Variants in PTPRG observed in about 807,000 individuals in gnomAD.
PTPRG encodes the protein receptor-type tyrosine-protein phosphatase gamma.
Under a neutral mutation model 165.3 loss-of-function variants are expected in PTPRG, and 102 were observed. The ratio of observed to expected loss-of-function variants is 0.62; its 90% confidence interval spans 0.53 to 0.73. The LOEUF is 0.73. PTPRG is among the 30% of genes least tolerant of loss of function. PTPRG has a pLI of 0.00. For missense variants in PTPRG, 1,866 were observed against 1,861.4 expected, an observed-to-expected ratio of 1.00 and a Z score of -0.05; for synonymous variants, 675 against 669.5, an observed-to-expected ratio of 1.01 and a Z score of -0.13.
chr3:61,812,355 CCTT>C (rs1175214114), intron 2 of PTPRG, among the ~76,000 whole-genome samples: 2 of 152,086 alleles, frequency 1.3e-5, no homozygotes, highest in African/African-American at 2.4e-5. Flanking sequence ...TTATTTTCCA[CCTT>C]CTTTTCAGGA....
chr3:61,619,676 G>A (rs1701395992), intron 1 of PTPRG, among the ~76,000 whole-genome samples: 1 of 152,216 alleles, frequency 6.6e-6, no homozygotes, highest in Non-Finnish European at 1.5e-5. Flanking sequence ...ACTGGTGGGT[G>A]TATGAAACAT....
intron 5 of PTPRG, among the ~76,000 whole-genome samples, chr3:62,091,070 G>T (rs1701910997): frequency 6.6e-6 from 1 of 152,222 alleles, no homozygotes. Flanking sequence ...CAATGTTGAT[G>T]ATGATAATTA....
At position 62,043,510 on chromosome 3, in the gene PTPRG, A is replaced by C. The variant is rs532412187; in HGVS notation, c.520-34653A>C. On this transcript the variant is annotated intron_variant, in intron 4 of 29. Coordinates refer to ENST00000474889, the MANE Select transcript of PTPRG (RefSeq NM_002841.4). Reference sequence around the variant, plus strand: ...TTAGAGCCCTTCTCATAAGAGAATAAACAAAGATAATAAGAAGGCAATATT... The same window carrying C: ...TTAGAGCCCTTCTCATAAGAGAATACACAAAGATAATAAGAAGGCAATATT... Among the ~76,000 whole-genome samples the C allele has an allele frequency of 1.7e-3, 254 of 152,352 alleles. 1 individual carries two copies. The highest frequency in any genetic ancestry group is 2.1e-3 in the Non-Finnish European group (146 of 68,028).
In PTPRG at chr3:61,824,100, C is replaced by T. The variant is rs377417101; in HGVS notation, c.190+75118C>T. Among the ~76,000 whole-genome samples, 20 of 152,116 alleles carry T rather than the reference C, an allele frequency of 1.3e-4. No individual in the cohort carries two copies. The East Asian group carries it at 3.5e-3, about 26-fold the overall frequency. ...GATCGCTCCACTGCACTCCATTCAG[C>T]CTGGGCGACAGAGCGAGACTCCGTC... On this transcript the variant is annotated intron_variant, in intron 2 of 29. Coordinates refer to ENST00000474889, the MANE Select transcript of PTPRG (RefSeq NM_002841.4).
intron 2 of PTPRG, among the ~76,000 whole-genome samples, chr3:61,978,480 A>G (rs2040559670): frequency 7.0e-6 from 1 of 143,056 alleles, no homozygotes; most frequent in African/African-American, 2.7e-5. Flanking sequence ...GGACCATTGC[A>G]TAGTATTATG....
chr3:61,963,418 A>T (rs1418298492), intron 2 of PTPRG, among the ~76,000 whole-genome samples: 2 of 152,196 alleles, frequency 1.3e-5, no homozygotes, highest in East Asian at 3.9e-4. Context: ...TCAGAAAAAG[A>T]TGCCATATAT....
intron 14 of PTPRG, among the ~76,000 whole-genome samples, chr3:62,232,800 C>A (rs1051886046): frequency 6.6e-6 from 1 of 152,192 alleles, no homozygotes; most frequent in Non-Finnish European, 1.5e-5. Context: ...AGTTGGGAAC[C>A]ATCTTGTGAA....
At chr3:62,115,361 C>G (rs1046634107) in intron 5 of PTPRG, among the ~76,000 whole-genome samples, 1 of 152,102 alleles carries the variant, frequency 6.6e-6, no homozygotes, top group African/African-American at 2.4e-5. Flanking sequence ...ATCTTTGGTG[C>G]AGACTCTCAA....
intron 2 of PTPRG, among the ~76,000 whole-genome samples, chr3:61,892,226 A>AT (rs1261868212): frequency 5.3e-5 from 8 of 151,926 alleles, no homozygotes; most frequent in African/African-American, 1.2e-4. Context: ...ATACCACGTG[A>AT]TTTTTTGTTT....
Position 62,245,718 on chromosome 3 carries a change from C to T in PTPRG, c.2467+1820C>T, listed in dbSNP as rs779996426. On this transcript the variant is annotated intron_variant, in intron 15 of 29. Coordinates refer to ENST00000474889, the MANE Select transcript of PTPRG (RefSeq NM_002841.4). This position sits in a 1 kb window ranked among gnomAD's most constrained non-coding sequence, Gnocchi z 4.2. ...TTGTAAAAGCACTTTGGAAACCATA[C>T]ATTAAGCGAAACGTGTAAGCTGTTG... Among the ~76,000 whole-genome samples, 1 of 152,102 alleles carries T rather than the reference C, an allele frequency of 6.6e-6. No homozygotes were observed. The highest frequency in any genetic ancestry group is 1.5e-5 in the Non-Finnish European group (1 of 68,010).
intron 1 of PTPRG, chr3:61,742,811 C>T: frequency 6.2e-7 from 1 of 1,606,338 alleles, no homozygotes; most frequent in Non-Finnish European, 8.5e-7. Context: ...AGCTTCTTGA[C>T]CAGTTTTTTA....
chr3:62,160,429 G>C (rs1416238353), intron 7 of PTPRG, among the ~76,000 whole-genome samples: 1 of 152,210 alleles, frequency 6.6e-6, no homozygotes, highest in Admixed American at 6.5e-5. Context: ...CACTTAGTCA[G>C]CATGGCTTAT....
chr3:61,885,537 G>T (rs1250923292), intron 2 of PTPRG, among the ~76,000 whole-genome samples: 2 of 150,750 alleles, frequency 1.3e-5, no homozygotes, highest in Admixed American at 1.3e-4. Flanking sequence ...TACACCAATT[G>T]CAATAAAGGC....
Position 62,282,800 on chromosome 3 carries a change from C to T in PTPRG, c.3986C>T (p.Thr1329Ile). 1 of 1,612,022 alleles carries T rather than the reference C, an allele frequency of 6.2e-7. No homozygotes were observed. Among genetic ancestry groups the T allele is most frequent in the African/African-American group, 1.3e-5 (1 of 74,868 alleles). ...WPNPDAPISS[T>I]FELINVIKEE... Reference sequence around the variant, plus strand: ...AACCCAGATGCCCCCATAAGTAGTACCTTTGAACTTATCAACGTCATCAAG... The same window carrying T: ...AACCCAGATGCCCCCATAAGTAGTATCTTTGAACTTATCAACGTCATCAAG... The change falls in exon 28 of 30, where the codon ACC becomes ATC. Residue 1329 changes from threonine (T) to isoleucine (I), a missense_variant. Physicochemically the swap from Thr to Ile is moderately conservative, Grantham distance 89. Around this residue, in one of 3 missense-constraint regions of PTPRG, gnomAD observed 1,452 missense variants for 1,463.0 expected, o/e 0.99. Transcript: ENST00000474889.
intron 4 of PTPRG, among the ~76,000 whole-genome samples, chr3:62,020,845 G>GTTT (rs66464110): frequency 0.058 from 8,451 of 145,552 alleles, 301 homozygotes; most frequent in Non-Finnish European, 0.084. Flanking sequence ...GGTTTTTTTT[G>GTTT]TTTTTTTTTT....
At chr3:62,250,526 T>A (rs1235627367) in intron 15 of PTPRG, among the ~76,000 whole-genome samples, 2 of 152,238 alleles carry the variant, frequency 1.3e-5, no homozygotes, top group African/African-American at 4.8e-5. Context: ...AAGCTGTTTC[T>A]CTTTTTATTT....
rs756586150 is a variant in PTPRG at position 62,167,964 on chromosome 3, T to C, written c.841-7T>C. 4.3e-6 allele frequency: 7 copies of C among 1,609,288 alleles called. No homozygotes were observed. Among genetic ancestry groups the C allele is most frequent in the Non-Finnish European group, 6.0e-6 (7 of 1,176,408 alleles). On this transcript the variant is annotated splice_polypyrimidine_tract_variant and splice_region_variant and intron_variant, in intron 7 of 29. Coordinates refer to ENST00000474889, the MANE Select transcript of PTPRG (RefSeq NM_002841.4). ...TTTCCCCCTCCCCTCTCTGGTCCTC[T>C]GTTCAGCTTGAGGCTTTTTATTCCA...
chr3:61,738,770 T>G, intron 1 of PTPRG, among the ~76,000 whole-genome samples: 1 of 151,330 alleles, frequency 6.6e-6, no homozygotes. Context: ...TAATGCTTAC[T>G]TCTTTATTTT....
At chr3:62,275,019 A>C (rs1559745620) in intron 23 of PTPRG, among the ~76,000 whole-genome samples, 1 of 152,140 alleles carries the variant, frequency 6.6e-6, no homozygotes, top group Non-Finnish European at 1.5e-5. Context: ...AACAAGAATC[A>C]AACTTGAAAA....
Sources: allele counts gnomAD v4.1 joint callset (sites outside exome capture counted in the v4.1 genomes callset), GRCh38; gene constraint gnomAD v4.1.1; regional missense constraint gnomAD v4.1.1; non-coding constraint Gnocchi (gnomAD v3.1); transcripts MANE v1.5; gene names NCBI Gene and HGNC (gene_info 2026-07-23, HGNC 2026-07-21).